AP2A2: variants seen among roughly 807,000 people sequenced by gnomAD.
AP2A2 encodes the protein adaptor related protein complex 2 subunit alpha 2, also known as AP-2 complex subunit alpha-2.
A neutral mutation model predicts 104.2 loss-of-function variants in AP2A2; 32 were observed. That is an observed-to-expected ratio of 0.31 (90% CI 0.23 to 0.41). AP2A2 has a LOEUF of 0.41. Ranked by LOEUF, AP2A2 falls within the 10% of genes least tolerant of loss-of-function variation. The pLI is 1.00. For synonymous variants in AP2A2, 539 were observed against 533.3 expected, an observed-to-expected ratio of 1.01 and a Z score of -0.15; for missense variants, 912 against 1,261.0, an observed-to-expected ratio of 0.72 and a Z score of 4.19.
intron 1 of AP2A2, among the ~76,000 whole-genome samples, chr11:931,477 G>A (rs760532411): frequency 2.4e-4 from 37 of 152,198 alleles, no homozygotes; most frequent in Non-Finnish European, 4.0e-4. Flanking sequence ...AATCAGGACT[G>A]CAAGGAAAGG....
intron 9 of AP2A2, among the ~76,000 whole-genome samples, chr11:987,797 G>A (rs1161494258): frequency 2.0e-5 from 3 of 152,262 alleles, no homozygotes; most frequent in Non-Finnish European, 4.4e-5. Flanking sequence ...AGTCACCGGT[G>A]CACATGCGTT....
Position 984,742 on chromosome 11 carries a change from A to G in AP2A2, c.803A>G (p.Tyr268Cys). The G allele has an allele frequency of 6.2e-7, 1 of 1,611,074 alleles. No individual in the cohort carries two copies. Among genetic ancestry groups the G allele is most frequent in the Non-Finnish European group, 8.5e-7 (1 of 1,178,144 alleles). The change falls in exon 7 of 22, where the codon TAC becomes TGC. Residue 268 changes from tyrosine to cysteine, a missense_variant. By Grantham distance (194) the Tyr-to-Cys change is radical (BLOSUM62 -2). Coordinates refer to ENST00000448903, the MANE Select transcript of AP2A2 (RefSeq NM_012305.4). Reference protein sequence around the residue: ...SVKLLRLLQCYPPPDPAVRGR... With the variant: ...SVKLLRLLQCCPPPDPAVRGR... The stretch of plus-strand genomic sequence containing the variant: ...AAACTGCTGAGACTGCTGCAGTGCT[A>G]CCCACCCCCAGGTAACGCGCAGGCC...
At chr11:971,076 T>A (rs1303100426) in intron 3 of AP2A2, among the ~76,000 whole-genome samples, 1 of 152,220 alleles carries the variant, frequency 6.6e-6, no homozygotes, top group African/African-American at 2.4e-5. Flanking sequence ...GGGGTTTTGA[T>A]AAGTATTGGT....
Position 972,109 on chromosome 11 carries a change from C to T in AP2A2, c.327C>T (p.Ile109=). 2 of 1,613,792 alleles carry T rather than the reference C, an allele frequency of 1.2e-6. No homozygotes were observed. The highest frequency in any genetic ancestry group is 1.7e-6 in the Non-Finnish European group (2 of 1,179,804). ...SVLVNSNSEL[I]RLINNAIKND... ...TGGTGAACTCAAACAGTGAGCTGAT[C>T]CGCCTGATCAACAACGCCATCAAGA... Residue 109 remains isoleucine, a synonymous_variant, in exon 4 of 22, where the codon ATC becomes ATT. Coordinates refer to ENST00000448903, the MANE Select transcript of AP2A2 (RefSeq NM_012305.4).
chr11:988,718 C>G (rs1266930585), intron 10 of AP2A2, 29 bp downstream of exon 10: 2 of 1,611,824 alleles, frequency 1.2e-6, no homozygotes, highest in Admixed American at 1.7e-5. Flanking sequence ...TGAGTCCTCT[C>G]CTGCCACAGG....
rs555605152 is a variant in AP2A2, at chr11:964,755, G to T, written c.136+5250G>T. Among the ~76,000 whole-genome samples, 3 of 150,278 alleles carry T rather than the reference G, an allele frequency of 2.0e-5. No homozygotes were observed. In the East Asian group the frequency reaches 5.8e-4, roughly 29 times the overall value. ...AAATGGAAAGAATTTCCTACCAGAA[G>T]GCCTGTGTTAAAGGAAATGCCAAAG... On this transcript the variant is annotated intron_variant, in intron 2 of 21. Coordinates refer to ENST00000448903, the MANE Select transcript of AP2A2 (RefSeq NM_012305.4).
intron 2 of AP2A2, among the ~76,000 whole-genome samples, chr11:966,138 A>G (rs1392127226): frequency 6.6e-6 from 1 of 152,208 alleles, no homozygotes; most frequent in African/African-American, 2.4e-5. Flanking sequence ...AAGCCACTGC[A>G]CCTGACTGGG....
rs138421741 is a variant in AP2A2 at position 1,000,878 on chromosome 11, C to T, written c.2123+280C>T. ...GGGTGGTGGTTGTGTCCTGTCTGCA[C>T]GGTGATGTCCGATCATGTTTCAGCT... On this transcript the variant is annotated intron_variant, in intron 15 of 21. Transcript: ENST00000448903. Among the ~76,000 whole-genome samples, 374 of 152,292 alleles carry T rather than the reference C, an allele frequency of 2.5e-3. 4 individuals are homozygous for T. The highest frequency in any genetic ancestry group is 8.0e-3 in the African/African-American group (334 of 41,562).
At chr11:964,020 A>C (rs1349071565) in intron 2 of AP2A2, among the ~76,000 whole-genome samples, 1 of 152,206 alleles carries the variant, frequency 6.6e-6, no homozygotes. Flanking sequence ...GTCAGCCAGG[A>C]TGTCAGTGGT....
intron 13 of AP2A2, 32 bp downstream of exon 13, chr11:994,017 G>C: frequency 6.2e-7 from 1 of 1,609,240 alleles, no homozygotes; most frequent in Non-Finnish European, 8.5e-7. Context: ...GGCTGGCTTG[G>C]CTGAGGGTTG....
At chr11:1,000,645 C>T in intron 15 of AP2A2, 47 bp downstream of exon 15, 3 of 1,510,162 alleles carry the variant, frequency 2.0e-6, no homozygotes, top group Non-Finnish European at 2.7e-6. Flanking sequence ...GGCTGCCGTG[C>T]CCCCTGACTT....
chr11:930,711 G>A (rs1277300267), intron 1 of AP2A2, among the ~76,000 whole-genome samples: 1 of 152,056 alleles, frequency 6.6e-6, no homozygotes, highest in Non-Finnish European at 1.5e-5. Flanking sequence ...TAGTAGAGAC[G>A]GGGTTTCACC....
chr11:943,572 C>T (rs148661595), intron 1 of AP2A2, among the ~76,000 whole-genome samples: 8 of 152,298 alleles, frequency 5.3e-5, no homozygotes, highest in Middle Eastern at 6.8e-3. Flanking sequence ...GGGTGGTCTC[C>T]TCCCTTAATG....
chr11:967,748 G>A (rs998793393), intron 2 of AP2A2, among the ~76,000 whole-genome samples: 2 of 152,120 alleles, frequency 1.3e-5, no homozygotes, highest in Admixed American at 6.5e-5. Flanking sequence ...GCAAGTGGCT[G>A]CATCTTTCAG....
At chr11:958,853 G>T (rs906363750) in intron 1 of AP2A2, among the ~76,000 whole-genome samples, 1 of 152,156 alleles carries the variant, frequency 6.6e-6, no homozygotes, top group African/African-American at 2.4e-5. Context: ...CAGTCCATAC[G>T]GCAGGGGAGG....
chr11:988,496 G>C, intron 9 of AP2A2, 56 bp from the exon 10 acceptor site: 1 of 1,585,902 alleles, frequency 6.3e-7, no homozygotes, highest in South Asian at 1.1e-5. Context: ...TCCCCAGCCT[G>C]TCCCCAAGCT....
chr11:927,082 T>C (rs1853144247), intron 1 of AP2A2, among the ~76,000 whole-genome samples: 1 of 152,186 alleles, frequency 6.6e-6, no homozygotes, highest in Non-Finnish European at 1.5e-5. Context: ...TTTTCTTTTT[T>C]TTGAGACAGG....
intron 1 of AP2A2, among the ~76,000 whole-genome samples, chr11:948,163 G>A (rs536783207): frequency 6.6e-6 from 1 of 152,144 alleles, no homozygotes; most frequent in African/African-American, 2.4e-5. Flanking sequence ...GCAAAGATGA[G>A]AGCAAAGATT....
At chr11:998,271 C>G (rs1855919829) in intron 14 of AP2A2, among the ~76,000 whole-genome samples, 1 of 152,034 alleles carries the variant, frequency 6.6e-6, no homozygotes, top group Non-Finnish European at 1.5e-5. Context: ...AAGAGCAGAG[C>G]CTGGGAGCCT....
Sources: allele counts gnomAD v4.1 joint callset (sites outside exome capture counted in the v4.1 genomes callset), GRCh38; gene constraint gnomAD v4.1.1; transcripts MANE v1.5; gene names NCBI Gene and HGNC (gene_info 2026-07-23, HGNC 2026-07-21).